The following TVP23A variants were observed in gnomAD, a reference collection of about 807,000 sequenced individuals.
TVP23A encodes the protein trans-golgi network vesicle protein 23 homolog A.
A neutral mutation model predicts 31.7 loss-of-function variants in TVP23A; 21 were observed. The ratio of observed to expected loss-of-function variants is 0.66; its 90% CI spans 0.47 to 0.95. The LOEUF is 0.95. Ranked by LOEUF, TVP23A falls within the 40% of genes least tolerant of loss-of-function variation. The pLI is 0.00. For synonymous variants in TVP23A, 104 were observed against 96.0 expected (o/e 1.08, Z -0.49); for missense variants, 279 against 255.6 (o/e 1.09, Z -0.62).
intron 8 of TVP23A, chr16:10,761,617 TAAAGGA>T: frequency 3.1e-6 from 3 of 967,048 alleles, no homozygotes; most frequent in Admixed American, 2.6e-5. Context: ...TTCTGCTGAC[TAAAGGA>T]AAGTTCTTTA....
intron 2 of TVP23A, among the ~76,000 whole-genome samples, chr16:10,795,273 C>CA (rs2033323859): frequency 6.8e-6 from 1 of 146,622 alleles, no homozygotes; most frequent in Admixed American, 6.8e-5. Flanking sequence ...TTTTTAAAGA[C>CA]AGAGTCTCGC....
At chr16:10,762,812 T>A (rs1340710487), downstream of TVP23A, among the ~76,000 whole-genome samples, 8 of 140,600 alleles carry the variant, frequency 5.7e-5, no homozygotes, top group African/African-American at 2.1e-4. Flanking sequence ...GGGGGCCGCG[T>A]GCTTGGGGAG....
intron 2 of TVP23A, among the ~76,000 whole-genome samples, chr16:10,778,643 T>C (rs2032225068): frequency 6.6e-6 from 1 of 150,920 alleles, no homozygotes; most frequent in African/African-American, 2.5e-5. Flanking sequence ...CTGTCCTCTT[T>C]GTAGAACAAT....
Position 10,785,741 on chromosome 16 carries a change from T to C in TVP23A, c.90-10645A>G, listed in dbSNP as rs186270766. On this transcript the variant is annotated intron_variant, in intron 2 of 7. Transcript: ENST00000299866. ...GTTGGGTCTGGAAAGGCGGAACACC[T>C]TTCCAGGCATCTGCTTCTCAGATCT... 1.6e-4 allele frequency among the ~76,000 whole-genome samples: 24 copies of C among 152,290 alleles called. 2 individuals are homozygous for C. The East Asian group carries it at 4.4e-3, about 28-fold the overall frequency.
intron 7 of TVP23A, chr16:10,769,357 C>T (rs555690275): frequency 1.7e-4 from 69 of 416,592 alleles, no homozygotes; most frequent in South Asian, 1.1e-3. Flanking sequence ...ATCTCTCCCC[C>T]GAGGCCTGTT....
chr16:10,773,497 C>T (rs1241027657), intron 4 of TVP23A, 56 bp from the exon 5 acceptor site: 39 of 1,525,252 alleles, frequency 2.6e-5, no homozygotes, highest in South Asian at 2.5e-5. Context: ...TGCAAACGAG[C>T]GTGCTCACAT....
At chr16:10,812,074 T>TA (rs954549513) in intron 2 of TVP23A, among the ~76,000 whole-genome samples, 6 of 151,634 alleles carry the variant, frequency 4.0e-5, no homozygotes, top group East Asian at 3.9e-4. Context: ...GATAACTGAT[T>TA]AAAAAAAACG....
At chr16:10,771,826 C>T (rs767985487) in intron 5 of TVP23A, 28 bp from the exon 6 acceptor site, 1 of 1,551,188 alleles carries the variant, frequency 6.4e-7, no homozygotes, top group Non-Finnish European at 8.7e-7. Flanking sequence ...AAGCAAAGGT[C>T]ACTTTTTTTT....
chr16:10,770,067 G>C (rs1005023780), intron 7 of TVP23A, among the ~76,000 whole-genome samples: 3 of 151,286 alleles, frequency 2.0e-5, no homozygotes, highest in African/African-American at 7.3e-5. Flanking sequence ...CTCGCCCCCC[G>C]ACCCCCAGCT....
intron 2 of TVP23A, among the ~76,000 whole-genome samples, chr16:10,790,725 C>A (rs534801953): frequency 6.6e-6 from 1 of 152,144 alleles, no homozygotes; most frequent in African/African-American, 2.4e-5. Context: ...CCTATCCAGG[C>A]CCCTTAGATA....
rs2031912951 is a variant in TVP23A, at chr16:10,775,095, G to A, written c.91C>T (p.His31Tyr). ...AGGTGGAAAAAGGTGGCCAAGGGGTGTCTAGGAAAGGACCCAGAAGGCGCC... is the reference window on the plus strand; with the variant it reads ...AGGTGGAAAAAGGTGGCCAAGGGGTATCTAGGAAAGGACCCAGAAGGCGCC... ...ELAFRKAKIR[H>Y]PLATFFHLFF... Residue 31 changes from histidine (H) to tyrosine (Y), a missense_variant and splice_region_variant, in exon 3 of 8, where the codon CAC becomes TAC. Physicochemically the swap from His to Tyr is moderately conservative, Grantham distance 83. Transcript: ENST00000299866. 6 of 1,606,480 alleles carry A rather than the reference G, an allele frequency of 3.7e-6. No homozygotes were observed. Among genetic ancestry groups the A allele is most frequent in the Non-Finnish European group, 5.1e-6 (6 of 1,176,630 alleles).
chr16:10,761,121 C>A (rs1378716842), downstream of TVP23A: 4 of 390,626 alleles, frequency 1.0e-5, no homozygotes, highest in African/African-American at 2.1e-5. Flanking sequence ...ATGGGGGAAA[C>A]TGCCCCCATG....
At chr16:10,790,279 A>T (rs1395480574) in intron 2 of TVP23A, among the ~76,000 whole-genome samples, 14 of 114,536 alleles carry the variant, frequency 1.2e-4, no homozygotes, top group South Asian at 2.8e-4. Flanking sequence ...TTGGGGTAAA[A>T]TTTTTTTTTT....
intron 2 of TVP23A, among the ~76,000 whole-genome samples, chr16:10,812,754 T>C (rs547028457): frequency 2.6e-5 from 4 of 150,946 alleles, no homozygotes; most frequent in Non-Finnish European, 5.9e-5. Flanking sequence ...GGAAGGAGAG[T>C]TGTTAAACGG....
chr16:10,786,786 A>G (rs1251752036), intron 2 of TVP23A, among the ~76,000 whole-genome samples: 1 of 151,660 alleles, frequency 6.6e-6, no homozygotes, highest in East Asian at 1.9e-4. Flanking sequence ...ATTGTTCTCT[A>G]TACTTTTACG....
chr16:10,773,381 TGAGGCCCA>T lies in TVP23A; in HGVS notation c.377_384del (p.Leu126HisfsTer13). On this transcript the variant is annotated frameshift_variant, in exon 5 of 8. Coordinates refer to ENST00000299866, the MANE Select transcript of TVP23A (RefSeq NM_001079512.4). LOFTEE classifies it high-confidence loss of function. ...ACAATCCATATCATGGGGCAGATTA[TGAGGCCCA>T]GCCAGAAGATTCGTGCTTCAGCTTC... 2 of 1,612,326 alleles carry T rather than the reference TGAGGCCCA, an allele frequency of 1.2e-6. No homozygotes were observed. The highest frequency in any genetic ancestry group is 1.7e-6 in the Non-Finnish European group (2 of 1,179,582).
chr16:10,772,321 TC>T (rs1253653126), intron 5 of TVP23A, among the ~76,000 whole-genome samples: 6 of 152,182 alleles, frequency 3.9e-5, no homozygotes, highest in African/African-American at 1.4e-4. Flanking sequence ...GCCCGCACTT[TC>T]ATTAAATGAC....
chr16:10,796,257 T>G (rs1346902068), intron 2 of TVP23A, among the ~76,000 whole-genome samples: 3 of 151,850 alleles, frequency 2.0e-5, no homozygotes, highest in Non-Finnish European at 4.4e-5. Flanking sequence ...AGAGCCTCAC[T>G]AGAGCCCAGG....
intron 2 of TVP23A, among the ~76,000 whole-genome samples, chr16:10,782,022 T>C (rs2032457006): frequency 6.6e-6 from 1 of 151,694 alleles, no homozygotes; most frequent in African/African-American, 2.4e-5. Flanking sequence ...CCACCACACC[T>C]GGCTAATTTT....
Sources: gnomAD v4.1 joint callset for allele counts (sites outside exome capture counted in the v4.1 genomes callset) on GRCh38, gnomAD v4.1.1 for gene constraint, MANE v1.5 for transcripts, NCBI Gene and HGNC (gene_info 2026-07-23, HGNC 2026-07-21) for gene names.